Variants in EPS8 observed in about 807,000 individuals in gnomAD.
EPS8 encodes the protein EGFR pathway substrate 8, signaling adaptor.
EPS8 carries 42 observed loss-of-function variants against 103.8 expected under a neutral mutation model. The observed-to-expected ratio is 0.40, with a 90% CI of 0.32 to 0.52. EPS8 has a LOEUF of 0.52. Among genes scored for constraint, EPS8 ranks in the 20% least tolerant of loss-of-function variants. The pLI is 0.40. For synonymous variants in EPS8, 344 were observed against 344.6 expected, an observed-to-expected ratio of 1.00 and a Z score of 0.02; for missense variants, 969 against 1,005.1, an observed-to-expected ratio of 0.96 and a Z score of 0.49.
intron 1 of EPS8, among the ~76,000 whole-genome samples, chr12:15,763,520 A>G (rs1947062689): frequency 6.6e-6 from 1 of 152,212 alleles, no homozygotes; most frequent in Non-Finnish European, 1.5e-5. Context: ...GCAATTTACC[A>G]TCCTGCACCA....
At chr12:15,647,993 C>T (rs1945349373) in intron 14 of EPS8, among the ~76,000 whole-genome samples, 1 of 152,206 alleles carries the variant, frequency 6.6e-6, no homozygotes, top group Non-Finnish European at 1.5e-5. Flanking sequence ...AGCGTGCAAC[C>T]TAGATCCCTT....
rs762129510 is a variant in EPS8, at chr12:15,624,425, G to A, written c.2045-18C>T. On this transcript the variant is annotated intron_variant, in intron 18 of 20. Transcript: ENST00000281172. ...TTTCCTTCCTAGACACCAACAGGGA[G>A]TAGGTTCTTTTTGAAAATCCCTAAT... 1 of 1,523,744 alleles carries A rather than the reference G, an allele frequency of 6.6e-7. No homozygotes were observed. The highest frequency in any genetic ancestry group is 1.3e-5 in the South Asian group (1 of 76,858). 94.4% of individuals were successfully genotyped at this position (1,523,744 alleles called of 1,614,324 possible). A position where few individuals can be genotyped will look rare whatever the true frequency, so the allele number is the denominator to read the frequency against.
chr12:15,657,816 T>G, intron 12 of EPS8: 1 of 361,666 alleles, frequency 2.8e-6, no homozygotes. Context: ...AATACTGGTA[T>G]CCAATAAATC....
At chr12:15,682,829 A>C (rs1179441156) in intron 2 of EPS8, 64 bp downstream of exon 2, 1 of 888,906 alleles carries the variant, frequency 1.1e-6, no homozygotes, top group African/African-American at 1.7e-5. Flanking sequence ...TAAAAATATA[A>C]AACAATTAAA....
rs555428371 is a variant in EPS8 at position 15,690,300 on chromosome 12, C to A, written c.-21-7328G>T. Among the ~76,000 whole-genome samples the A allele has an allele frequency of 7.9e-5, 12 of 152,272 alleles. No individual in the cohort carries two copies. The highest frequency in any genetic ancestry group is 7.2e-4 in the Admixed American group (11 of 15,302). ...TTCTCTAAATCATAAATACATCTCC[C>A]GAATATTACTACAAGTAAAAACTTA... is the stretch of plus-strand genomic sequence containing the variant. On this transcript the variant is annotated intron_variant, in intron 1 of 20. Coordinates refer to ENST00000281172, the MANE Select transcript of EPS8 (RefSeq NM_004447.6). The surrounding 1 kb of genome is among the most constrained non-coding windows in gnomAD (Gnocchi z 4.7).
intron 17 of EPS8, among the ~76,000 whole-genome samples, chr12:15,631,954 A>G (rs1455612098): frequency 6.6e-6 from 1 of 152,224 alleles, no homozygotes; most frequent in Admixed American, 6.5e-5. Flanking sequence ...TGGGCTTGGA[A>G]TCACACAAGA....
chr12:15,718,130 T>C (rs775684977), intron 1 of EPS8, among the ~76,000 whole-genome samples: 8 of 152,184 alleles, frequency 5.3e-5, no homozygotes, highest in Non-Finnish European at 1.2e-4. Context: ...TCTATAACCT[T>C]TGGTGAGTAA....
chr12:15,751,129 A>G lies in EPS8; in HGVS notation c.-22+38032T>C, dbSNP rs375982375. On this transcript the variant is annotated intron_variant, in intron 1 of 20. Coordinates refer to ENST00000281172, the MANE Select transcript of EPS8 (RefSeq NM_004447.6). The surrounding 1 kb of genome is among the most constrained non-coding windows in gnomAD (Gnocchi z 4.3). The stretch of plus-strand genomic sequence containing the variant: ...TCCCAGCTCTTTGGGAGGACGAGGC[A>G]GGCGGATCACTTGAGGTCAGGAGTT... Among the ~76,000 whole-genome samples, 13 of 152,268 alleles carry G rather than the reference A, an allele frequency of 8.5e-5. No homozygotes were observed. The highest frequency in any genetic ancestry group is 3.1e-4 in the African/African-American group (13 of 41,544).
At chr12:15,726,600 T>C (rs1206042198) in intron 1 of EPS8, among the ~76,000 whole-genome samples, 1 of 152,166 alleles carries the variant, frequency 6.6e-6, no homozygotes, top group East Asian at 1.9e-4. Flanking sequence ...TACATACACA[T>C]GGAATGCTTT....
chr12:15,625,310 C>T (rs1029451706), intron 18 of EPS8, among the ~76,000 whole-genome samples: 4 of 152,134 alleles, frequency 2.6e-5, no homozygotes, highest in African/African-American at 9.7e-5. Flanking sequence ...AGTCATTTCT[C>T]CCTTATTTAT....
At chr12:15,641,132 A>C (rs1047234138) in intron 16 of EPS8, among the ~76,000 whole-genome samples, 13 of 152,198 alleles carry the variant, frequency 8.5e-5, no homozygotes, top group Non-Finnish European at 1.5e-4. Context: ...GGACTTAAGG[A>C]CTAAAATGAC....
rs1163503973 is a variant in EPS8 at position 15,690,708 on chromosome 12, GA to G, written c.-21-7737del. On this transcript the variant is annotated intron_variant, in intron 1 of 20. Transcript: ENST00000281172. This position sits in a 1 kb window ranked among gnomAD's most constrained non-coding sequence, Gnocchi z 4.7. ...TTTTCTAGGTATCAGACTGTATCAAGAGCAAAATGTATAACTTTATGTCTAT... is the reference window on the plus strand; with the variant it reads ...TTTTCTAGGTATCAGACTGTATCAAGGCAAAATGTATAACTTTATGTCTAT... 1.3e-5 allele frequency among the ~76,000 whole-genome samples: 2 copies of G among 152,146 alleles called. No homozygotes were observed. The highest frequency in any genetic ancestry group is 3.9e-4 in the East Asian group (2 of 5,192).
rs1368959287 is a variant in EPS8 at position 15,738,704 on chromosome 12, A to G, written c.-22+50457T>C. ...TCATTTGTTTGCATATTTGTCTCAT[A>G]GTTGGAATATAAACTACAAAAGGAC... On this transcript the variant is annotated intron_variant, in intron 1 of 20. Transcript: ENST00000281172. The surrounding 1 kb of genome is among the most constrained non-coding windows in gnomAD (Gnocchi z 6.2). Among the ~76,000 whole-genome samples the G allele has an allele frequency of 6.6e-6, 1 of 151,984 alleles. No homozygotes were observed. The highest frequency in any genetic ancestry group is 1.5e-5 in the Non-Finnish European group (1 of 67,980).
At chr12:15,626,918 A>G (rs1378187355) in intron 18 of EPS8, among the ~76,000 whole-genome samples, 1 of 151,892 alleles carries the variant, frequency 6.6e-6, no homozygotes, top group African/African-American at 2.4e-5. Flanking sequence ...TAAAACTGCA[A>G]TCCCTCCCCA....
chr12:15,660,014 A>G (rs1945576905), intron 10 of EPS8, among the ~76,000 whole-genome samples: 1 of 152,222 alleles, frequency 6.6e-6, no homozygotes, highest in South Asian at 2.1e-4. Flanking sequence ...TTTAACAGAT[A>G]CTTAATTTTA....
intron 18 of EPS8, among the ~76,000 whole-genome samples, chr12:15,626,083 C>G (rs1040341602): frequency 6.6e-6 from 1 of 152,132 alleles, no homozygotes; most frequent in Admixed American, 6.5e-5. Context: ...CACTTAATGA[C>G]AATTCTATCT....
At chr12:15,641,399 T>C (rs939813044) in intron 16 of EPS8, among the ~76,000 whole-genome samples, 1 of 152,014 alleles carries the variant, frequency 6.6e-6, no homozygotes, top group Non-Finnish European at 1.5e-5. Flanking sequence ...TGAACTATTA[T>C]GTGCATCCAC....
chr12:15,699,047 C>T lies in EPS8; in HGVS notation c.-21-16075G>A, dbSNP rs150869075. On this transcript the variant is annotated intron_variant, in intron 1 of 20. Coordinates refer to ENST00000281172, the MANE Select transcript of EPS8 (RefSeq NM_004447.6). ...GGCTCACCACAACCTACAAATGATC[C>T]CTCCACCGATGTGACTGCCCCTGCA... Among the ~76,000 whole-genome samples the T allele has an allele frequency of 3.5e-3, 540 of 152,236 alleles. 2 individuals carry two copies. The highest frequency in any genetic ancestry group is 0.012 in the African/African-American group (511 of 41,528).
chr12:15,718,906 A>G (rs1213359992), intron 1 of EPS8, among the ~76,000 whole-genome samples: 1 of 152,172 alleles, frequency 6.6e-6, no homozygotes, highest in Non-Finnish European at 1.5e-5. Context: ...AGAAGTATCA[A>G]TCCTTTCTGG....
Sources: allele counts gnomAD v4.1 joint callset (sites outside exome capture counted in the v4.1 genomes callset), GRCh38; gene constraint gnomAD v4.1.1; non-coding constraint Gnocchi (gnomAD v3.1); transcripts MANE v1.5; gene names NCBI Gene and HGNC (gene_info 2026-07-23, HGNC 2026-07-21).